ANO1: variants seen among roughly 807,000 people sequenced by gnomAD.
The protein encoded by ANO1 is anoctamin-1.
ANO1 carries 59 observed loss-of-function variants against 124.0 expected under a neutral mutation model. The ratio of observed to expected loss-of-function variants is 0.48; its 90% CI spans 0.39 to 0.59. The LOEUF is 0.59. Among genes scored for constraint, ANO1 ranks in the 20% least tolerant of loss-of-function variants. The probability of loss-of-function intolerance (pLI) is 0.00; values close to 1 mark genes in which losing one functional copy is unlikely to be tolerated. For missense variants in ANO1, 1,059 were observed against 1,328.0 expected, an observed-to-expected ratio of 0.80 and a Z score of 3.15; for synonymous variants, 529 against 532.0, an observed-to-expected ratio of 0.99 and a Z score of 0.08.
chr11:70,103,264 T>TAAAAAA, intron 3 of ANO1, 100 bp downstream of exon 3: 1 of 823,208 alleles, frequency 1.2e-6, no homozygotes, highest in Non-Finnish European at 1.8e-6. Context: ...CTGAGTTTTA[T>TAAAAAA]AAAAAAAAAA....
chr11:70,058,301 GT>G lies in ANO1; in HGVS notation c.59-20234del, dbSNP rs529959844. ...GCAAGTTTTTGGGCTCTATCCTTGAGTTTTTTTATGTTGTCATATACTAGGC... is the reference window on the plus strand; with the variant it reads ...GCAAGTTTTTGGGCTCTATCCTTGAGTTTTTTATGTTGTCATATACTAGGC... On this transcript the variant is annotated intron_variant, in intron 1 of 27. Coordinates refer to the ANO1 transcript ENST00000531349. 4.7e-3 allele frequency among the ~76,000 whole-genome samples: 710 copies of G among 152,250 alleles called. 4 individuals are homozygous for G. The highest frequency in any genetic ancestry group is 0.016 in the African/African-American group (669 of 41,538).
intron 24 of ANO1, among the ~76,000 whole-genome samples, chr11:70,184,538 A>G (rs974717490): frequency 6.6e-6 from 1 of 152,084 alleles, no homozygotes; most frequent in African/African-American, 2.4e-5. Context: ...TTCCTTCAAG[A>G]TAAGGAGGTG....
intron 1 of ANO1, among the ~76,000 whole-genome samples, chr11:69,988,796 C>T (rs1193949950): frequency 5.9e-5 from 9 of 152,134 alleles, no homozygotes; most frequent in African/African-American, 2.2e-4. Context: ...CATGTCTGCC[C>T]AACTCACTCC....
Position 70,153,122 on chromosome 11 carries a change from CAA to C in ANO1, c.1421_1422del (p.Lys474ArgfsTer19), listed in dbSNP as rs1357984151. 2 of 1,603,918 alleles carry C rather than the reference CAA, an allele frequency of 1.2e-6. No individual in the cohort carries two copies. The highest frequency in any genetic ancestry group is 1.7e-6 in the Non-Finnish European group (2 of 1,174,994). ...EKSLKKESRN[K>X]EKRRHIPEES... ...AGTCTCTGAAGAAAGAGTCCAGAAACAAAGAGGTATGGTGGCCACTGTGGGTT... is the reference window on the plus strand; with the variant it reads ...AGTCTCTGAAGAAAGAGTCCAGAAACAGAGGTATGGTGGCCACTGTGGGTT... On this transcript the variant is annotated frameshift_variant, in exon 14 of 26. Transcript: ENST00000355303. LOFTEE classifies it high-confidence loss of function.
At chr11:70,143,698 C>T (rs1022059542) in intron 11 of ANO1, among the ~76,000 whole-genome samples, 5 of 152,164 alleles carry the variant, frequency 3.3e-5, no homozygotes, top group African/African-American at 1.2e-4. Context: ...GGACAGATTG[C>T]CCCCCGCCAC....
the ANO1 span, among the ~76,000 whole-genome samples, chr11:69,967,321 C>T: frequency 1.6e-4 from 24 of 152,256 alleles, no homozygotes; most frequent in East Asian, 4.1e-3. Context: ...TAGCTAGCAT[C>T]AGGCTCTGAG....
intron 1 of ANO1, chr11:70,015,678 A>G (rs1856691122): frequency 6.6e-6 from 1 of 152,268 alleles, no homozygotes; most frequent in Non-Finnish European, 1.5e-5. Context: ...TGTCTAGGGC[A>G]CTGTGCCGAG....
chr11:70,057,278 G>A (rs1490058121), intron 1 of ANO1, among the ~76,000 whole-genome samples: 1 of 152,178 alleles, frequency 6.6e-6, no homozygotes, highest in Non-Finnish European at 1.5e-5. Context: ...TTGGCAGGCA[G>A]AATGCAGAAA....
intron 7 of ANO1, among the ~76,000 whole-genome samples, chr11:70,115,719 A>G (rs2045952422): frequency 6.6e-6 from 1 of 152,162 alleles, no homozygotes; most frequent in Non-Finnish European, 1.5e-5. Flanking sequence ...GCTCCTCCCC[A>G]GTTACTTTTG....
intron 1 of ANO1, among the ~76,000 whole-genome samples, chr11:70,059,203 T>C (rs1166067661): frequency 6.7e-6 from 1 of 149,540 alleles, no homozygotes; most frequent in Non-Finnish European, 1.5e-5. Context: ...AAAAAAAAAC[T>C]AGCCAGGTGT....
chr11:70,033,385 A>G (rs1857038507), intron 1 of ANO1, among the ~76,000 whole-genome samples: 1 of 152,174 alleles, frequency 6.6e-6, no homozygotes, highest in African/African-American at 2.4e-5. Flanking sequence ...TCACTTCGCC[A>G]CTGAGTGCGT....
chr11:69,991,766 C>A (rs1374226981), intron 1 of ANO1, among the ~76,000 whole-genome samples: 1 of 152,156 alleles, frequency 6.6e-6, no homozygotes, highest in Non-Finnish European at 1.5e-5. Context: ...TATAATGTAG[C>A]CATAGGACCA....
At chr11:70,081,989 C>T (rs1163626428) in intron 1 of ANO1, among the ~76,000 whole-genome samples, 1 of 152,220 alleles carries the variant, frequency 6.6e-6, no homozygotes, top group Non-Finnish European at 1.5e-5. Flanking sequence ...CTTCAAAATA[C>T]CTTCAGATCA....
the ANO1 span, among the ~76,000 whole-genome samples, chr11:69,977,239 T>C: frequency 2.0e-5 from 3 of 152,162 alleles, no homozygotes; most frequent in Non-Finnish European, 4.4e-5. Context: ...TCCGGTTCTG[T>C]GTGCACGGTC....
intron 11 of ANO1, among the ~76,000 whole-genome samples, chr11:70,140,361 C>G (rs2135567040): frequency 6.6e-6 from 1 of 152,264 alleles, no homozygotes; most frequent in East Asian, 1.9e-4. Flanking sequence ...GAAACCCCCT[C>G]TCTACTAAAA....
chr11:70,141,330 C>T (rs2047146888), intron 11 of ANO1, among the ~76,000 whole-genome samples: 1 of 152,200 alleles, frequency 6.6e-6, no homozygotes, highest in South Asian at 2.1e-4. Flanking sequence ...TGCGGGCCAG[C>T]CCCTTCGTAG....
intron 1 of ANO1, among the ~76,000 whole-genome samples, chr11:70,007,840 A>T (rs1856522650): frequency 6.6e-6 from 1 of 152,176 alleles, no homozygotes; most frequent in African/African-American, 2.4e-5. Context: ...CTGCAGTGAC[A>T]TTACTTTACA....
At chr11:70,109,395 A>G (rs1238366013) in intron 6 of ANO1, among the ~76,000 whole-genome samples, 1 of 152,116 alleles carries the variant, frequency 6.6e-6, no homozygotes, top group Non-Finnish European at 1.5e-5. Flanking sequence ...CCCAGACCAT[A>G]TGGCCTGTGT....
At chr11:70,087,482 T>A (rs555617180) in intron 1 of ANO1, among the ~76,000 whole-genome samples, 1 of 152,314 alleles carries the variant, frequency 6.6e-6, no homozygotes, top group South Asian at 2.1e-4. Context: ...CAGGAGGGCT[T>A]CTGGGGGACC....
Sources: allele counts gnomAD v4.1 joint callset (sites outside exome capture counted in the v4.1 genomes callset), GRCh38; gene constraint gnomAD v4.1.1; transcripts MANE v1.5; gene names NCBI Gene and HGNC (gene_info 2026-07-23, HGNC 2026-07-21).